The following ATP7A variants were observed in gnomAD, a reference collection of about 807,000 sequenced individuals.
ATP7A encodes copper-transporting ATPase 1.
In ATP7A, 7 loss-of-function variants were observed where a neutral mutation model predicts 83.5. The ratio of observed to expected loss-of-function variants is 0.08; its 90% CI spans 0.05 to 0.16. The LOEUF (loss-of-function observed/expected upper bound fraction) is 0.16. Ranked by LOEUF, ATP7A falls within the 10% of genes least tolerant of loss-of-function variation. The pLI is 1.00. For synonymous variants in ATP7A, 354 were observed against 395.2 expected, an observed-to-expected ratio of 0.90 and a Z score of 1.24; for missense variants, 940 against 1,120.8, an observed-to-expected ratio of 0.84 and a Z score of 2.30.
At chrX:77,988,871 C>T (rs1197865121) in intron 3 of ATP7A, 140 bp downstream of exon 3, 17 of 850,556 alleles carry the variant, frequency 2.0e-5, no homozygotes, top group Non-Finnish European at 2.9e-5. Context: ...AGCATATTCC[C>T]AGGATTAAAA....
chrX:77,951,319 A>G (rs1053637925), intron 1 of ATP7A, among the ~76,000 whole-genome samples: 5 of 111,597 alleles, frequency 4.5e-5, no homozygotes, highest in Non-Finnish European at 9.4e-5. Context: ...GCTTATTTTT[A>G]TATTTTCCTA....
At chrX:77,928,989 A>G (rs1461299183) in intron 1 of ATP7A, among the ~76,000 whole-genome samples, 1 of 111,645 alleles carries the variant, frequency 9.0e-6, no homozygotes, top group African/African-American at 3.3e-5. Flanking sequence ...TTTGCTAGGC[A>G]GGGGACCACG....
At chrX:78,015,685 G>T in intron 11 of ATP7A, 69 bp from the exon 12 acceptor site, 1 of 1,179,640 alleles carries the variant, frequency 8.5e-7, no homozygotes, top group Non-Finnish European at 1.2e-6. Flanking sequence ...GTGAACTAAA[G>T]AGCTTACATG....
At chrX:78,040,517 A>T (rs896497903) in intron 18 of ATP7A, 74 bp from the exon 19 acceptor site, 4 of 1,150,241 alleles carry the variant, frequency 3.5e-6, no homozygotes, top group Non-Finnish European at 4.7e-6. Context: ...TTTCATTCTG[A>T]AATTTCAAGT....
At chrX:77,926,253 A>G (rs1369422535) in intron 1 of ATP7A, among the ~76,000 whole-genome samples, 4 of 112,507 alleles carry the variant, frequency 3.6e-5, no homozygotes, top group Non-Finnish European at 7.5e-5. Context: ...CTTGAAATAC[A>G]TTTACTTTTC....
intron 5 of ATP7A, among the ~76,000 whole-genome samples, chrX:77,998,994 CATA>C (rs1337002427): frequency 1.8e-5 from 2 of 108,659 alleles, no homozygotes; most frequent in African/African-American, 3.3e-5. Context: ...TTTTAAGGAA[CATA>C]ATTTTTTTTT....
chrX:77,933,575 A>C lies in ATP7A; in HGVS notation c.-22+22740A>C, dbSNP rs1413418240. Reference sequence around the variant, plus strand: ...GGAATATTAGCATATATGTAATGAGATATCTTGGGGATGGGACTCAGGTTT... The same window carrying C: ...GGAATATTAGCATATATGTAATGAGCTATCTTGGGGATGGGACTCAGGTTT... On this transcript the variant is annotated intron_variant, in intron 1 of 22. Transcript: ENST00000341514. 3.6e-5 allele frequency among the ~76,000 whole-genome samples: 4 copies of C among 112,398 alleles called. No individual in the cohort carries two copies. The South Asian group carries it at 1.5e-3, about 41-fold the overall frequency.
chrX:77,934,318 T>C (rs2149050014), intron 1 of ATP7A, among the ~76,000 whole-genome samples: 1 of 111,053 alleles, frequency 9.0e-6, no homozygotes, highest in South Asian at 3.8e-4. Context: ...CTTGGGATGC[T>C]GAGGTGGGAG....
chrX:78,037,990 T>G (rs1262879622), intron 17 of ATP7A, among the ~76,000 whole-genome samples: 4 of 91,383 alleles, frequency 4.4e-5, no homozygotes, highest in Non-Finnish European at 8.6e-5. Flanking sequence ...GTTTTTTTTT[T>G]TTTTTTTTTT....
intron 15 of ATP7A, 49 bp downstream of exon 15, chrX:78,029,493 C>T (rs1165257490): frequency 1.8e-6 from 2 of 1,100,681 alleles, no homozygotes; most frequent in Non-Finnish European, 2.5e-6. Context: ...CTATCAATAG[C>T]ACCCCTCACA....
chrX:78,005,683 C>CAAAAAAAAAAAAAAAAAAA (rs1218646073), intron 6 of ATP7A, among the ~76,000 whole-genome samples: 4 of 13,700 alleles, frequency 2.9e-4, no homozygotes, highest in African/African-American at 3.0e-4. Context: ...AACTCCATCT[C>CAAAAAAAAAAAAAAAAAAA]AAAAAAAAAA....
Position 78,042,666 on chromosome X carries a change from C to T in ATP7A, c.3883C>T (p.Arg1295Trp), listed in dbSNP as rs372489000. 4.4e-4 allele frequency: 535 copies of T among 1,209,953 alleles called. No homozygotes were observed. The highest frequency in any genetic ancestry group is 5.5e-4 in the Non-Finnish European group (490 of 895,259). ...KVKQLQEEGK[R>W]VAMVGDGIND... The stretch of plus-strand genomic sequence containing the variant: ...GAAGCAACTTCAAGAGGAGGGGAAA[C>T]GGGTAGCAATGGTGGGAGATGGAAT... The change falls in exon 20 of 23, where the codon CGG becomes TGG. Residue 1295 changes from arginine (R) to tryptophan (W), a missense_variant. This residue lies in a region of ATP7A where 386 missense variants were observed against 502.2 expected (regional missense o/e 0.77). Transcript: ENST00000341514.
intron 4 of ATP7A, among the ~76,000 whole-genome samples, chrX:77,994,153 C>T (rs1462313552): frequency 9.2e-6 from 1 of 109,099 alleles, no homozygotes; most frequent in Admixed American, 9.8e-5. Context: ...GTAACCTCTG[C>T]CTCCCGGGTT....
At chrX:78,021,251 A>G (rs1173232102) in intron 14 of ATP7A, among the ~76,000 whole-genome samples, 172 bp downstream of exon 14, 5 of 111,410 alleles carry the variant, frequency 4.5e-5, no homozygotes, top group Non-Finnish European at 9.4e-5. Context: ...TTCCTTTTGG[A>G]AAAAAAATTT....
chrX:78,033,886 C>T, intron 17 of ATP7A, 65 bp downstream of exon 17: 1 of 1,049,362 alleles, frequency 9.5e-7, no homozygotes, highest in Admixed American at 2.2e-5. Flanking sequence ...AACTTTATAA[C>T]CCTGAACTGT....
chrX:77,995,838 G>A (rs1557232488), intron 4 of ATP7A, among the ~76,000 whole-genome samples: 1 of 110,655 alleles, frequency 9.0e-6, no homozygotes, highest in African/African-American at 3.3e-5. Flanking sequence ...CCGCCTCCCG[G>A]GTTCAAGCGA....
chrX:78,006,769 C>T (rs914002399), intron 6 of ATP7A, among the ~76,000 whole-genome samples: 13 of 111,830 alleles, frequency 1.2e-4, no homozygotes, highest in African/African-American at 3.9e-4. Context: ...CCTTTGTAAC[C>T]GGCTTCTTTT....
chrX:77,946,590 TAAC>T (rs1331942607), intron 1 of ATP7A, among the ~76,000 whole-genome samples: 27 of 110,410 alleles, frequency 2.4e-4, no homozygotes, highest in African/African-American at 8.9e-4. Context: ...TGAAATAAAA[TAAC>T]AAGGAAATGA....
chrX:77,950,630 A>G (rs1175051640), intron 1 of ATP7A, among the ~76,000 whole-genome samples: 2 of 111,431 alleles, frequency 1.8e-5, no homozygotes, highest in African/African-American at 6.5e-5. Context: ...AGTGAGGTGC[A>G]GTAACTTCAT....
Sources: allele counts gnomAD v4.1 joint callset (sites outside exome capture counted in the v4.1 genomes callset), GRCh38; gene constraint gnomAD v4.1.1; regional missense constraint gnomAD v4.1.1; transcripts MANE v1.5; gene names NCBI Gene and HGNC (gene_info 2026-07-23, HGNC 2026-07-21).